The following DENND10 variants were observed in gnomAD, a reference collection of about 807,000 sequenced individuals.
DENND10 encodes the protein DENN domain containing 10.
A neutral mutation model predicts 43.6 loss-of-function variants in DENND10; 24 were observed. The ratio of observed to expected loss-of-function variants is 0.55; its 90% CI spans 0.40 to 0.77. The LOEUF (loss-of-function observed/expected upper bound fraction) is 0.77. DENND10 is among the 30% of genes least tolerant of loss of function. DENND10 has a pLI of 0.00. For synonymous variants in DENND10, 125 were observed against 157.6 expected, an observed-to-expected ratio of 0.79 and a Z score of 1.55; for missense variants, 303 against 429.9, an observed-to-expected ratio of 0.70 and a Z score of 2.61.
intron 6 of DENND10, among the ~76,000 whole-genome samples, chr10:119,128,519 A>C (rs1845932029): frequency 6.6e-6 from 1 of 151,990 alleles, no homozygotes; most frequent in Middle Eastern, 3.2e-3. Flanking sequence ...GGGGCAGGAG[A>C]ATCTCTTGAA....
intron 4 of DENND10, among the ~76,000 whole-genome samples, chr10:119,118,491 G>A (rs536532329): frequency 2.0e-5 from 3 of 152,294 alleles, no homozygotes; most frequent in South Asian, 4.1e-4. Context: ...AGCAGGAGGC[G>A]AGGGGAACTC....
rs887140377 is a variant in DENND10, at chr10:119,104,168, C to T, written c.26C>T (p.Thr9Ile). MAAAEVAD[T>I]QLMLGVGLIE... ...ATGGCTGCGGCCGAGGTGGCGGACA[C>T]TCAGCTGATGCTTGGAGTCGGGCTG... Residue 9 changes from threonine (T) to isoleucine (I), a missense_variant, in exon 1 of 9, where the codon ACT becomes ATT. By Grantham distance (89) the Thr-to-Ile change is moderately conservative. Transcript: ENST00000361432. 1 of 1,523,200 alleles carries T rather than the reference C, an allele frequency of 6.6e-7. No individual in the cohort carries two copies. The highest frequency in any genetic ancestry group is 1.4e-5 in the African/African-American group (1 of 70,020). 94.4% of individuals were successfully genotyped at this position (1,523,200 alleles called of 1,614,324 possible).
intron 2 of DENND10, among the ~76,000 whole-genome samples, chr10:119,110,399 G>A (rs1844921242): frequency 6.6e-6 from 1 of 151,828 alleles, no homozygotes; most frequent in South Asian, 2.1e-4. Context: ...TCTCATTAGT[G>A]GAAATATTAG....
chr10:119,117,965 C>CA (rs370576956), intron 4 of DENND10, among the ~76,000 whole-genome samples: 76 of 134,112 alleles, frequency 5.7e-4, no homozygotes, highest in African/African-American at 1.2e-3. Context: ...GACTCCGTCT[C>CA]AAAAAAAAAA....
chr10:119,125,694 G>A (rs34411543), intron 6 of DENND10, among the ~76,000 whole-genome samples: 1 of 150,960 alleles, frequency 6.6e-6, no homozygotes, highest in Admixed American at 6.6e-5. Flanking sequence ...ATTTTTGGTA[G>A]AGAGTAGAGA....
intron 8 of DENND10, among the ~76,000 whole-genome samples, chr10:119,135,346 G>A (rs1331537906): frequency 1.3e-5 from 2 of 152,096 alleles, no homozygotes; most frequent in South Asian, 2.1e-4. Flanking sequence ...TAGCCAAAAC[G>A]TGGCAGAAGC....
chr10:119,110,918 T>G (rs80328535), intron 2 of DENND10, among the ~76,000 whole-genome samples: 3,649 of 152,218 alleles, frequency 0.024, 141 homozygotes, highest in African/African-American at 0.084. Context: ...TTAAGAATAA[T>G]CTATTAATTT....
At chr10:119,128,605 C>CAAA (rs144367027) in intron 6 of DENND10, among the ~76,000 whole-genome samples, 53 of 140,460 alleles carry the variant, frequency 3.8e-4, no homozygotes, top group African/African-American at 1.3e-3. Flanking sequence ...GAGACTGTCT[C>CAAA]AAAAAAAAAA....
chr10:119,116,642 C>CT (rs1845287998), intron 3 of DENND10, among the ~76,000 whole-genome samples: 1 of 148,074 alleles, frequency 6.8e-6, no homozygotes, highest in African/African-American at 2.5e-5. Flanking sequence ...GTCTCTCAAG[C>CT]TTTTTCTTTT....
chr10:119,125,462 T>C (rs1463278886), intron 6 of DENND10, among the ~76,000 whole-genome samples: 1 of 151,826 alleles, frequency 6.6e-6, no homozygotes, highest in African/African-American at 2.4e-5. Context: ...ATTTATGATT[T>C]CTTTGTGTTA....
intron 3 of DENND10, among the ~76,000 whole-genome samples, chr10:119,115,382 A>ATTTTTTGTTTTT (rs1845200786): frequency 2.1e-5 from 1 of 48,392 alleles, no homozygotes; most frequent in Non-Finnish European, 4.0e-5. Flanking sequence ...TGAATTGGTA[A>ATTTTTTGTTTTT]TTTTTTTTTT....
chr10:119,110,383 AT>A (rs1844920752), intron 2 of DENND10, among the ~76,000 whole-genome samples: 2 of 152,010 alleles, frequency 1.3e-5, no homozygotes, highest in South Asian at 4.1e-4. Flanking sequence ...GAAATTCTGA[AT>A]TTTGTCTCAT....
At chr10:119,104,532 C>T (rs1010005211) in intron 1 of DENND10, among the ~76,000 whole-genome samples, 1 of 149,776 alleles carries the variant, frequency 6.7e-6, no homozygotes, top group African/African-American at 2.4e-5. Flanking sequence ...CCAGGCTGGG[C>T]AGCTGCGAGG....
intron 2 of DENND10, among the ~76,000 whole-genome samples, chr10:119,110,081 G>A (rs1239255401): frequency 6.6e-6 from 1 of 151,938 alleles, no homozygotes; most frequent in Non-Finnish European, 1.5e-5. Flanking sequence ...TAAAGTTCTG[G>A]GATTAACAGG....
At chr10:119,107,250 A>T (rs1844737263) in intron 1 of DENND10, among the ~76,000 whole-genome samples, 1 of 151,856 alleles carries the variant, frequency 6.6e-6, no homozygotes, top group South Asian at 2.1e-4. Context: ...CTGGGAGCCA[A>T]GATAGCACCA....
intron 7 of DENND10, among the ~76,000 whole-genome samples, chr10:119,131,383 G>A (rs916210853): frequency 2.0e-5 from 3 of 152,162 alleles, no homozygotes; most frequent in Non-Finnish European, 2.9e-5. Flanking sequence ...AGTTGAACCC[G>A]GGAGGCAGAG....
chr10:119,120,780 C>T (rs905772217), intron 5 of DENND10, among the ~76,000 whole-genome samples: 6 of 152,188 alleles, frequency 3.9e-5, no homozygotes, highest in African/African-American at 1.4e-4. Flanking sequence ...ATAAATGACT[C>T]AGCATGGCTG....
At chr10:119,116,100 C>T (rs2133479067) in intron 3 of DENND10, among the ~76,000 whole-genome samples, 1 of 152,186 alleles carries the variant, frequency 6.6e-6, no homozygotes, top group South Asian at 2.1e-4. Flanking sequence ...TTATTTTCTT[C>T]CCGATTTTCT....
At chr10:119,128,476 C>T (rs1252958193) in intron 6 of DENND10, among the ~76,000 whole-genome samples, 3 of 151,812 alleles carry the variant, frequency 2.0e-5, no homozygotes, top group Non-Finnish European at 2.9e-5. Flanking sequence ...GGCGTGGTGG[C>T]GCACACCTGT....
Sources: gnomAD v4.1 joint callset for allele counts (sites outside exome capture counted in the v4.1 genomes callset) on GRCh38, gnomAD v4.1.1 for gene constraint, MANE v1.5 for transcripts, NCBI Gene and HGNC (gene_info 2026-07-23, HGNC 2026-07-21) for gene names.